NKAIN3: variants seen among roughly 807,000 people sequenced by gnomAD.
The protein encoded by NKAIN3 is sodium/potassium transporting ATPase interacting 3, also known as sodium/potassium-transporting ATPase subunit beta-1-interacting protein 3.
Under a neutral mutation model 30.2 loss-of-function variants are expected in NKAIN3, and 25 were observed. The ratio of observed to expected loss-of-function variants is 0.83; its 90% CI spans 0.60 to 1.16. NKAIN3 has a LOEUF of 1.16. NKAIN3 is among the 50% of genes most tolerant of loss of function. The pLI is 0.00. For synonymous variants in NKAIN3, 91 were observed against 89.6 expected (o/e 1.02, Z -0.09); for missense variants, 225 against 254.1 (o/e 0.89, Z 0.78).
chr8:62,719,350 A>C (rs905396037), intron 3 of NKAIN3, among the ~76,000 whole-genome samples: 1 of 152,242 alleles, frequency 6.6e-6, no homozygotes, highest in East Asian at 1.9e-4. Context: ...TATTAGGCAT[A>C]GAATGGTCCT....
intron 3 of NKAIN3, among the ~76,000 whole-genome samples, chr8:62,658,988 C>T (rs1236698466): frequency 6.6e-6 from 1 of 152,010 alleles, no homozygotes; most frequent in Non-Finnish European, 1.5e-5. Context: ...GAGGCCCAGC[C>T]CACTGGAGAG....
chr8:62,575,737 A>G (rs1810089118), intron 1 of NKAIN3, among the ~76,000 whole-genome samples: 1 of 152,200 alleles, frequency 6.6e-6, no homozygotes, highest in Non-Finnish European at 1.5e-5. Context: ...ATAGTAACTG[A>G]AACAGCATGG....
At chr8:62,680,361 G>C (rs1447580302) in intron 3 of NKAIN3, among the ~76,000 whole-genome samples, 1 of 152,172 alleles carries the variant, frequency 6.6e-6, no homozygotes, top group Non-Finnish European at 1.5e-5. Flanking sequence ...TACCTGCAGA[G>C]CTGTGAGATA....
chr8:62,708,294 A>T (rs944464550), intron 3 of NKAIN3, among the ~76,000 whole-genome samples: 2 of 152,002 alleles, frequency 1.3e-5, no homozygotes, highest in African/African-American at 4.8e-5. Context: ...AATTGCATTG[A>T]ATTTGTATAT....
intron 4 of NKAIN3, among the ~76,000 whole-genome samples, chr8:62,755,435 T>G (rs2130604632): frequency 6.6e-6 from 1 of 152,348 alleles, no homozygotes; most frequent in African/African-American, 2.4e-5. Context: ...AAATGTTTCC[T>G]TTCACTCTTG....
At chr8:62,613,722 T>C (rs1014602722) in intron 3 of NKAIN3, among the ~76,000 whole-genome samples, 2 of 152,250 alleles carry the variant, frequency 1.3e-5, no homozygotes, top group Non-Finnish European at 2.9e-5. Flanking sequence ...CCTTTTTCTC[T>C]TCTGATTGTA....
intron 3 of NKAIN3, among the ~76,000 whole-genome samples, chr8:62,667,257 C>T (rs1190486765): frequency 6.7e-6 from 1 of 148,914 alleles, no homozygotes; most frequent in Non-Finnish European, 1.5e-5. Context: ...TGTAACAAAC[C>T]TGCACATTGT....
At chr8:62,810,167 T>C (rs1213536036) in intron 4 of NKAIN3, among the ~76,000 whole-genome samples, 1 of 152,144 alleles carries the variant, frequency 6.6e-6, no homozygotes, top group Non-Finnish European at 1.5e-5. Flanking sequence ...TCTGGGTAGT[T>C]TCCTTAGCTG....
At chr8:62,282,499 T>C (rs1813239159) in intron 1 of NKAIN3, among the ~76,000 whole-genome samples, 1 of 152,198 alleles carries the variant, frequency 6.6e-6, no homozygotes, top group Non-Finnish European at 1.5e-5. Flanking sequence ...CAGATTGACC[T>C]GGACTGTGTT....
At chr8:62,993,672 T>C (rs1215823464) in intron 5 of NKAIN3, among the ~76,000 whole-genome samples, 1 of 152,150 alleles carries the variant, frequency 6.6e-6, no homozygotes, top group Non-Finnish European at 1.5e-5. Flanking sequence ...CTGGTATTTG[T>C]TCTGGTTGGG....
chr8:62,863,403 C>T, intron 4 of NKAIN3: 5 of 1,544,880 alleles, frequency 3.2e-6, no homozygotes, highest in Middle Eastern at 1.7e-4. Context: ...AGATGTTTTG[C>T]GGCTTTATGT....
intron 1 of NKAIN3, among the ~76,000 whole-genome samples, chr8:62,289,743 A>G (rs1345225474): frequency 1.3e-5 from 2 of 152,156 alleles, no homozygotes; most frequent in Non-Finnish European, 2.9e-5. Context: ...TTGGTTTCAT[A>G]TGAACTTTAA....
intron 4 of NKAIN3, among the ~76,000 whole-genome samples, chr8:62,788,528 G>C (rs1022883780): frequency 6.6e-6 from 1 of 152,052 alleles, no homozygotes. Flanking sequence ...TGCAGAGGCC[G>C]TTTAGTTTAA....
At chr8:62,393,829 G>A (rs994103114) in intron 1 of NKAIN3, among the ~76,000 whole-genome samples, 6 of 152,034 alleles carry the variant, frequency 3.9e-5, no homozygotes, top group African/African-American at 1.4e-4. Context: ...AAATTTATTT[G>A]TAAGAGTTTT....
At chr8:62,559,052 A>C (rs994563449) in intron 1 of NKAIN3, among the ~76,000 whole-genome samples, 17 of 152,004 alleles carry the variant, frequency 1.1e-4, no homozygotes, top group African/African-American at 4.1e-4. Flanking sequence ...GCCAGTTTCA[A>C]TTCTTTTTAA....
chr8:62,757,176 G>T (rs1471279741), intron 4 of NKAIN3, among the ~76,000 whole-genome samples: 2 of 152,066 alleles, frequency 1.3e-5, no homozygotes, highest in African/African-American at 4.8e-5. Flanking sequence ...TTTTATTGGT[G>T]CATTACTTGG....
intron 1 of NKAIN3, among the ~76,000 whole-genome samples, chr8:62,550,649 T>C (rs1809173780): frequency 6.6e-6 from 1 of 152,164 alleles, no homozygotes; most frequent in East Asian, 1.9e-4. Context: ...AAAGCAAAAA[T>C]GCAGATTGGA....
At chr8:62,253,946 T>G (rs1392802909) in intron 1 of NKAIN3, among the ~76,000 whole-genome samples, 1 of 152,250 alleles carries the variant, frequency 6.6e-6, no homozygotes, top group Non-Finnish European at 1.5e-5. Flanking sequence ...TTATTAATCA[T>G]TTTGTTTCCA....
At chr8:62,628,960 A>G (rs562197678) in intron 3 of NKAIN3, among the ~76,000 whole-genome samples, 31 of 152,194 alleles carry the variant, frequency 2.0e-4, no homozygotes, top group Non-Finnish European at 3.8e-4. Context: ...TTGAATGAAT[A>G]TTGAATATGT....
Sources: allele counts gnomAD v4.1 joint callset (sites outside exome capture counted in the v4.1 genomes callset), GRCh38; gene constraint gnomAD v4.1.1; transcripts MANE v1.5; gene names NCBI Gene and HGNC (gene_info 2026-07-23, HGNC 2026-07-21).